Variants in PRIMA1 observed in about 807,000 individuals in gnomAD.
PRIMA1 encodes the protein proline-rich membrane anchor 1.
Under a neutral mutation model 17.5 loss-of-function variants are expected in PRIMA1, and 7 were observed. The observed-to-expected ratio is 0.40, with a 90% CI of 0.23 to 0.75. The LOEUF (loss-of-function observed/expected upper bound fraction) is 0.75, where lower values mean the gene tolerates loss of function less well. PRIMA1 is among the 30% of genes least tolerant of loss of function. The pLI is 0.37. For missense variants in PRIMA1, 200 were observed against 201.8 expected, an observed-to-expected ratio of 0.99 and a Z score of 0.05; for synonymous variants, 97 against 77.9, an observed-to-expected ratio of 1.25 and a Z score of -1.29.
chr14:93,761,953 A>G (rs1307861007), intron 3 of PRIMA1, among the ~76,000 whole-genome samples: 1 of 152,064 alleles, frequency 6.6e-6, no homozygotes, highest in Non-Finnish European at 1.5e-5. Context: ...TTTCTGTTTC[A>G]TTTGTCAGCA....
Position 93,787,740 on chromosome 14 carries a change from C to T in PRIMA1, c.-22G>A, listed in dbSNP as rs369532019. The T allele has an allele frequency of 9.7e-6, 15 of 1,540,566 alleles. No homozygotes were observed. In the East Asian group the frequency reaches 3.2e-4, roughly 33 times the overall value. ...GCATCTCGGCCAGCGGCGCCCGCTC[C>T]TGGGGCGAACTGTCAGGAGAGCAAG... On this transcript the variant is annotated 5_prime_UTR_variant, in exon 2 of 5. Coordinates refer to ENST00000393140, the MANE Select transcript of PRIMA1 (RefSeq NM_178013.4).
chr14:93,779,000 G>T (rs1020781410), intron 3 of PRIMA1, among the ~76,000 whole-genome samples, 176 bp downstream of exon 3: 4 of 151,998 alleles, frequency 2.6e-5, no homozygotes, highest in Non-Finnish European at 1.5e-5. Context: ...GCAGGAGCAC[G>T]CTGTGGGAAA....
At chr14:93,780,061 G>A (rs184539691) in intron 2 of PRIMA1, among the ~76,000 whole-genome samples, 3 of 152,278 alleles carry the variant, frequency 2.0e-5, no homozygotes, top group Admixed American at 1.3e-4. Context: ...GCCCCACCTC[G>A]TCCCATGCTC....
chr14:93,785,999 G>A (rs553502371), intron 2 of PRIMA1, among the ~76,000 whole-genome samples: 7 of 152,188 alleles, frequency 4.6e-5, no homozygotes, highest in South Asian at 2.1e-4. Context: ...CTTCTGGGAG[G>A]AGTGCATGGT....
At chr14:93,747,201 G>C (rs976866292) in intron 3 of PRIMA1, among the ~76,000 whole-genome samples, 1 of 152,124 alleles carries the variant, frequency 6.6e-6, no homozygotes, top group African/African-American at 2.4e-5. Context: ...TGTGAGGAAG[G>C]CGGCCCAAGC....
intron 4 of PRIMA1, among the ~76,000 whole-genome samples, chr14:93,731,766 A>G (rs748728158): frequency 1.4e-4 from 21 of 152,178 alleles, no homozygotes; most frequent in Non-Finnish European, 2.6e-4. Context: ...TTTCTTCTGC[A>G]TCCCTTGTGC....
intron 2 of PRIMA1, among the ~76,000 whole-genome samples, chr14:93,786,218 T>C (rs1471019461): frequency 6.6e-6 from 1 of 152,252 alleles, no homozygotes. Context: ...CCCAAGCCAC[T>C]AAAGTGTTTA....
chr14:93,756,736 C>T (rs986097607), intron 3 of PRIMA1, among the ~76,000 whole-genome samples: 1 of 152,118 alleles, frequency 6.6e-6, no homozygotes, highest in South Asian at 2.1e-4. Context: ...GTTCCCTGTC[C>T]AAAACCAACC....
chr14:93,782,263 G>A (rs1043782596), intron 2 of PRIMA1, among the ~76,000 whole-genome samples: 10 of 129,538 alleles, frequency 7.7e-5, no homozygotes, highest in Admixed American at 2.3e-4. Flanking sequence ...GCAAGACTCC[G>A]TCTCAAAAAT....
chr14:93,748,138 G>A (rs866321082), intron 3 of PRIMA1, among the ~76,000 whole-genome samples: 2 of 152,182 alleles, frequency 1.3e-5, no homozygotes, highest in African/African-American at 2.4e-5. Context: ...ATGAGTGTGA[G>A]AGACTGTGTG....
At chr14:93,756,361 T>C (rs866244024) in intron 3 of PRIMA1, among the ~76,000 whole-genome samples, 9 of 152,176 alleles carry the variant, frequency 5.9e-5, no homozygotes, top group African/African-American at 2.2e-4. Context: ...TTTTAATCTA[T>C]CATCTCTCTG....
intron 4 of PRIMA1, among the ~76,000 whole-genome samples, chr14:93,730,709 C>A (rs1218347120): frequency 1.3e-5 from 2 of 152,222 alleles, no homozygotes; most frequent in African/African-American, 4.8e-5. Context: ...TAAGAACTAA[C>A]CTTTCTCTGG....
At chr14:93,734,580 C>G (rs1566965082) in intron 4 of PRIMA1, among the ~76,000 whole-genome samples, 1 of 145,028 alleles carries the variant, frequency 6.9e-6, no homozygotes, top group Admixed American at 7.1e-5. Flanking sequence ...CCCACTTGCT[C>G]TCTGGGCCTG....
intron 4 of PRIMA1, chr14:93,725,761 G>A (rs1275245817): frequency 2.8e-6 from 1 of 357,342 alleles, no homozygotes; most frequent in African/African-American, 2.1e-5. Flanking sequence ...TACTGCTGGG[G>A]AAAAGGTGTC....
chr14:93,720,468 A>G lies in PRIMA1; in HGVS notation c.*976T>C, dbSNP rs1411324388. 2 of 152,314 alleles carry G rather than the reference A, an allele frequency of 1.3e-5. No individual in the cohort carries two copies. Among genetic ancestry groups the G allele is most frequent in the Non-Finnish European group, 2.9e-5 (2 of 68,102 alleles). 9.4% of individuals were successfully genotyped at this position (152,314 alleles called of 1,614,324 possible). A position where few individuals can be genotyped will look rare whatever the true frequency, so the allele number is the denominator to read the frequency against. ...GGGTAAAATGGGGAGATGATGGAGG[A>G]CTCTGGGAGAGGGCCTGAGTACAAC... is the stretch of plus-strand genomic sequence containing the variant. On this transcript the variant is annotated 3_prime_UTR_variant, in exon 5 of 5. Transcript: ENST00000393140.
intron 4 of PRIMA1, among the ~76,000 whole-genome samples, chr14:93,735,170 C>T (rs1459758894): frequency 1.3e-5 from 2 of 152,048 alleles, no homozygotes; most frequent in African/African-American, 2.4e-5. Context: ...GGAAGTGGGG[C>T]GTGTCTGCAA....
At chr14:93,760,692 G>A (rs2076321160) in intron 3 of PRIMA1, among the ~76,000 whole-genome samples, 1 of 152,152 alleles carries the variant, frequency 6.6e-6, no homozygotes, top group African/African-American at 2.4e-5. Flanking sequence ...CCAGCACCTG[G>A]TGCACAGGAG....
chr14:93,721,770 G>A (rs143943846), intron 4 of PRIMA1, among the ~76,000 whole-genome samples: 22 of 152,278 alleles, frequency 1.4e-4, no homozygotes, highest in African/African-American at 4.8e-4. Context: ...ATGAAAACCG[G>A]GGCACAGTTG....
intron 2 of PRIMA1, 33 bp downstream of exon 2, chr14:93,787,593 C>G: frequency 6.5e-7 from 1 of 1,538,126 alleles, no homozygotes; most frequent in Non-Finnish European, 8.7e-7. Context: ...CCCAGGAGGC[C>G]CTCCCAGCCA....
Sources: gnomAD v4.1 joint callset for allele counts (sites outside exome capture counted in the v4.1 genomes callset) on GRCh38, gnomAD v4.1.1 for gene constraint, MANE v1.5 for transcripts, NCBI Gene and HGNC (gene_info 2026-07-23, HGNC 2026-07-21) for gene names.